The following MAP3K2 variants were observed in gnomAD, a reference collection of about 807,000 sequenced individuals.
MAP3K2 encodes the protein MAP/ERK kinase kinase 2.
A neutral mutation model predicts 80.3 loss-of-function variants in MAP3K2; 24 were observed. The observed-to-expected ratio is 0.30, with a 90% CI of 0.22 to 0.42. The LOEUF is 0.42. Among genes scored for constraint, MAP3K2 ranks in the 10% least tolerant of loss-of-function variants. MAP3K2 has a pLI of 1.00. For missense variants in MAP3K2, 608 were observed against 750.1 expected (o/e 0.81, Z 2.21); for synonymous variants, 244 against 253.7 (o/e 0.96, Z 0.36).
chr2:127,313,838 A>T (rs1685852440), intron 15 of MAP3K2, among the ~76,000 whole-genome samples: 1 of 152,074 alleles, frequency 6.6e-6, no homozygotes, highest in Non-Finnish European at 1.5e-5. Flanking sequence ...GTGGCACATG[A>T]CTGTTTATTT....
chr2:127,379,727 T>C (rs753137636), intron 1 of MAP3K2, among the ~76,000 whole-genome samples: 13 of 152,220 alleles, frequency 8.5e-5, no homozygotes, highest in Non-Finnish European at 1.6e-4. Flanking sequence ...ATTACACATC[T>C]AATTTTCTCA....
intron 7 of MAP3K2, among the ~76,000 whole-genome samples, chr2:127,329,310 A>G (rs1686204294): frequency 6.6e-6 from 1 of 152,126 alleles, no homozygotes; most frequent in South Asian, 2.1e-4. Context: ...TAATTTTAAT[A>G]CATTATAATT....
rs533894747 is a variant in MAP3K2, at chr2:127,345,720, A to T, written c.-65-2526T>A. Among the ~76,000 whole-genome samples, 3 of 152,364 alleles carry T rather than the reference A, an allele frequency of 2.0e-5. No individual in the cohort carries two copies. The South Asian group carries it at 6.2e-4, about 32-fold the overall frequency. On this transcript the variant is annotated intron_variant, in intron 1 of 16. Coordinates refer to ENST00000682094, the MANE Select transcript of MAP3K2 (RefSeq NM_001371910.2). ...AAAATTAGAAATTGGCAACACAAGG[A>T]TATCTGGAAAATTCACAAATATGTG...
At chr2:127,325,179 A>T (rs1283719539) in intron 9 of MAP3K2, among the ~76,000 whole-genome samples, 1 of 152,202 alleles carries the variant, frequency 6.6e-6, no homozygotes, top group African/African-American at 2.4e-5. Context: ...AAGCAGGAAT[A>T]CTCAAACTAT....
Position 127,315,149 on chromosome 2 carries a change from C to T in MAP3K2, c.1327-266G>A, listed in dbSNP as rs114001172. On this transcript the variant is annotated intron_variant, in intron 14 of 16. Transcript: ENST00000682094. ...TCTTTATATACTCAACACTCAAGTT[C>T]GAAACATGAGAACATACACAAAAGG... Among the ~76,000 whole-genome samples, 423 of 152,146 alleles carry T rather than the reference C, an allele frequency of 2.8e-3. 3 individuals are homozygous for T. The highest frequency in any genetic ancestry group is 4.8e-3 in the Non-Finnish European group (324 of 67,998).
intron 1 of MAP3K2, among the ~76,000 whole-genome samples, chr2:127,354,768 CTAA>C (rs1686768894): frequency 2.0e-5 from 3 of 151,914 alleles, no homozygotes; most frequent in African/African-American, 4.8e-5. Flanking sequence ...AGCCAGTCAA[CTAA>C]TAATAACAGA....
intron 1 of MAP3K2, among the ~76,000 whole-genome samples, chr2:127,372,348 C>G (rs969244414): frequency 6.6e-6 from 1 of 152,094 alleles, no homozygotes; most frequent in Non-Finnish European, 1.5e-5. Context: ...ACAGGAGCCA[C>G]AAAAGTACAC....
rs955228017 is a variant in MAP3K2 at position 127,339,377 on chromosome 2, G to T, written c.5-327C>A. Among the ~76,000 whole-genome samples the T allele has an allele frequency of 1.3e-5, 2 of 151,570 alleles. No homozygotes were observed. Among genetic ancestry groups the T allele is most frequent in the Non-Finnish European group, 2.9e-5 (2 of 67,892 alleles). ...TATGACTCCTAAACAAAACATCAAGGTATCTAAAATGTTTTAAAAAGTAGG... is the reference window on the plus strand; with the variant it reads ...TATGACTCCTAAACAAAACATCAAGTTATCTAAAATGTTTTAAAAAGTAGG... On this transcript the variant is annotated intron_variant, in intron 2 of 16. Transcript: ENST00000682094. The surrounding 1 kb of genome is among the most constrained non-coding windows in gnomAD (Gnocchi z 4.2).
Position 127,307,510 on chromosome 2 carries a change from A to C in MAP3K2, c.*69T>G. On this transcript the variant is annotated 3_prime_UTR_variant, in exon 17 of 17. Transcript: ENST00000682094. This position sits in a 1 kb window ranked among gnomAD's most constrained non-coding sequence, Gnocchi z 5.4. ...TCTCTCTTTTTTTATAAAAAAGAAA[A>C]GTGCAGTCAGAGAGAAGGTGAATGA... The C allele has an allele frequency of 1.1e-6, 1 of 895,278 alleles. No homozygotes were observed. The highest frequency in any genetic ancestry group is 1.6e-6 in the Non-Finnish European group (1 of 617,980). 55.5% of individuals were successfully genotyped at this position (895,278 alleles called of 1,614,324 possible).
chr2:127,358,094 A>T (rs1686825231), intron 1 of MAP3K2, among the ~76,000 whole-genome samples: 1 of 152,232 alleles, frequency 6.6e-6, no homozygotes, highest in African/African-American at 2.4e-5. Context: ...ATTTGTATCC[A>T]GAATATCTAA....
chr2:127,376,413 G>A (rs527620734), intron 1 of MAP3K2, among the ~76,000 whole-genome samples: 286 of 152,284 alleles, frequency 1.9e-3, no homozygotes, highest in Middle Eastern at 6.8e-3. Context: ...TGCCGGCAGC[G>A]CAGGCTTGTC....
At chr2:127,376,764 C>T (rs1014455154) in intron 1 of MAP3K2, among the ~76,000 whole-genome samples, 8 of 152,140 alleles carry the variant, frequency 5.3e-5, no homozygotes, top group African/African-American at 1.9e-4. Flanking sequence ...TAGTCTACAA[C>T]TAGTTAAAAA....
chr2:127,325,580 C>T (rs751951796), intron 9 of MAP3K2, 148 bp downstream of exon 9: 6 of 567,640 alleles, frequency 1.1e-5, no homozygotes, highest in Non-Finnish European at 1.9e-5. Flanking sequence ...CCTAGTTCCT[C>T]GGGGGTCAGA....
At chr2:127,344,974 C>T (rs576771833) in intron 1 of MAP3K2, among the ~76,000 whole-genome samples, 15 of 152,214 alleles carry the variant, frequency 9.9e-5, no homozygotes, top group Non-Finnish European at 1.5e-4. Flanking sequence ...AGCAATCCTC[C>T]CACCTCAGCA....
chr2:127,354,943 A>G (rs2104865342), intron 1 of MAP3K2, among the ~76,000 whole-genome samples: 1 of 152,274 alleles, frequency 6.6e-6, no homozygotes, highest in Non-Finnish European at 1.5e-5. Context: ...AATTACACTG[A>G]ATGAAATAAC....
Position 127,387,595 on chromosome 2 carries a change from CGAG to C in MAP3K2, c.-212_-210del. On this transcript the variant is annotated 5_prime_UTR_variant, in exon 1 of 17. Coordinates refer to ENST00000682094, the MANE Select transcript of MAP3K2 (RefSeq NM_001371910.2). ...GGCCCCCGGGGACCGGAGGGGCGCGCGAGGAGTCGGGCGCGGGCCTTGGGGCCA... is the reference window on the plus strand; with the variant it reads ...GGCCCCCGGGGACCGGAGGGGCGCGCGAGTCGGGCGCGGGCCTTGGGGCCA... 2.0e-6 allele frequency: 2 copies of C among 984,918 alleles called. No individual in the cohort carries two copies. The highest frequency in any genetic ancestry group is 2.4e-6 in the Non-Finnish European group (2 of 829,722). 61.0% of individuals were successfully genotyped at this position (984,918 alleles called of 1,614,324 possible). A position where few individuals can be genotyped will look rare whatever the true frequency, so the allele number is the denominator to read the frequency against.
intron 15 of MAP3K2, among the ~76,000 whole-genome samples, chr2:127,312,114 GTC>G (rs766183544): frequency 3.5e-4 from 54 of 152,320 alleles, no homozygotes; most frequent in Non-Finnish European, 7.2e-4. Context: ...ATTCTAGACA[GTC>G]TCTATTTAAG....
Position 127,322,013 on chromosome 2 carries a change from C to G in MAP3K2, c.1045+33G>C. 6.4e-7 allele frequency: 1 copy of G among 1,570,718 alleles called. No individual in the cohort carries two copies. Among genetic ancestry groups the G allele is most frequent in the East Asian group, 2.3e-5 (1 of 44,236 alleles). On this transcript the variant is annotated intron_variant, in intron 12 of 16. Coordinates refer to ENST00000682094, the MANE Select transcript of MAP3K2 (RefSeq NM_001371910.2). The surrounding 1 kb of genome is among the most constrained non-coding windows in gnomAD (Gnocchi z 4.2). ...TATAAAATTCTGCAAAGATTCTGCT[C>G]TACATTTCACTATACCAAGTTCTAT...
rs954653940 is a variant in MAP3K2 at position 127,304,453 on chromosome 2, A to G, written c.*3126T>C. The G allele has an allele frequency of 7.9e-5, 12 of 152,186 alleles. No homozygotes were observed. The highest frequency in any genetic ancestry group is 1.8e-4 in the Non-Finnish European group (12 of 68,018). The allele number at this position is 152,186 out of a possible 1,614,324, so 9.4% of individuals were successfully genotyped here. Reference sequence around the variant, plus strand: ...ATCTCTCAAGGCCTTAAGTAGAAAGATATTTCCTGAAAAGCACATATAAGA... The same window carrying G: ...ATCTCTCAAGGCCTTAAGTAGAAAGGTATTTCCTGAAAAGCACATATAAGA... On this transcript the variant is annotated 3_prime_UTR_variant, in exon 17 of 17. Coordinates refer to ENST00000682094, the MANE Select transcript of MAP3K2 (RefSeq NM_001371910.2).
Sources: allele counts gnomAD v4.1 joint callset (sites outside exome capture counted in the v4.1 genomes callset), GRCh38; gene constraint gnomAD v4.1.1; non-coding constraint Gnocchi (gnomAD v3.1); transcripts MANE v1.5; gene names NCBI Gene and HGNC (gene_info 2026-07-23, HGNC 2026-07-21).